The following PCCA variants were observed in gnomAD, a reference collection of about 807,000 sequenced individuals.
PCCA encodes propionyl-CoA carboxylase subunit alpha.
In PCCA, 74 loss-of-function variants were observed where a neutral mutation model predicts 101.3. The observed-to-expected ratio is 0.73, with a 90% CI of 0.61 to 0.89. PCCA has a LOEUF of 0.89. PCCA is among the 40% of genes least tolerant of loss of function. PCCA has a pLI of 0.00. For missense variants in PCCA, 891 were observed against 907.0 expected (o/e 0.98, Z 0.23); for synonymous variants, 294 against 313.6 (o/e 0.94, Z 0.66).
chr13:100,322,033 C>T (rs1428298652), intron 16 of PCCA, among the ~76,000 whole-genome samples: 1 of 152,118 alleles, frequency 6.6e-6, no homozygotes, highest in Non-Finnish European at 1.5e-5. Context: ...GGGTAACCTG[C>T]TGTAACAAAG....
intron 22 of PCCA, among the ~76,000 whole-genome samples, chr13:100,519,838 G>C (rs953326320): frequency 1.3e-5 from 2 of 152,224 alleles, no homozygotes; most frequent in African/African-American, 4.8e-5. Context: ...GCCTGGCATC[G>C]CGCTTGTGTG....
chr13:100,255,257 A>G (rs940950066), intron 8 of PCCA, among the ~76,000 whole-genome samples: 1 of 152,110 alleles, frequency 6.6e-6, no homozygotes, highest in Non-Finnish European at 1.5e-5. Flanking sequence ...ATATTGTCCT[A>G]TTCTCTAATG....
At chr13:100,158,030 G>A (rs1355718489) in intron 6 of PCCA, among the ~76,000 whole-genome samples, 4 of 152,166 alleles carry the variant, frequency 2.6e-5, no homozygotes, top group Non-Finnish European at 4.4e-5. Context: ...GTTCATCCTT[G>A]TGTGAACATC....
intron 19 of PCCA, among the ~76,000 whole-genome samples, chr13:100,413,544 A>G (rs1338364348): frequency 1.3e-5 from 2 of 152,198 alleles, no homozygotes; most frequent in Non-Finnish European, 2.9e-5. Flanking sequence ...ATCTCTAATA[A>G]TCATTTTTGG....
chr13:100,106,396 G>A (rs1467411177), intron 2 of PCCA, among the ~76,000 whole-genome samples: 10 of 152,016 alleles, frequency 6.6e-5, no homozygotes, highest in Admixed American at 6.6e-4. Context: ...GTATGTAACT[G>A]TCTGGGTTTA....
chr13:100,143,630 T>C (rs1260075328), intron 4 of PCCA, among the ~76,000 whole-genome samples: 2 of 152,052 alleles, frequency 1.3e-5, no homozygotes, highest in South Asian at 4.1e-4. Context: ...CTTGAGCTCC[T>C]TCAAAGTACT....
chr13:100,330,527 A>G (rs565413342), intron 16 of PCCA, 34 bp from the exon 17 acceptor site: 3 of 1,271,334 alleles, frequency 2.4e-6, no homozygotes, highest in African/African-American at 2.9e-5. Flanking sequence ...TCACTGATTC[A>G]TTGTTCTTCA....
intron 19 of PCCA, among the ~76,000 whole-genome samples, chr13:100,423,285 T>C (rs2078944860): frequency 6.6e-6 from 1 of 152,192 alleles, no homozygotes; most frequent in Non-Finnish European, 1.5e-5. Context: ...TCTGGCATGG[T>C]AACAAGGATT....
Position 100,268,747 on chromosome 13 carries a change from A to G in PCCA, c.878A>G (p.Gln293Arg), listed in dbSNP as rs879253805. The change falls in exon 11 of 24, where the codon CAG (glutamine) becomes CGG (arginine). Residue 293 changes from glutamine to arginine, a missense_variant. By Grantham distance (43) the Gln-to-Arg change is conservative (BLOSUM62 1). Coordinates refer to ENST00000376285, the MANE Select transcript of PCCA (RefSeq NM_000282.4). ...CTTAATGAAAGAGAGTGCTCAATTC[A>G]GAGAAGAAATCAGAAGGTGGTGGAG... is the stretch of plus-strand genomic sequence containing the variant. ...LWLNERECSI[Q>R]RRNQKVVEEA... The G allele has an allele frequency of 5.0e-6, 8 of 1,614,120 alleles. No individual in the cohort carries two copies. In the South Asian group the frequency reaches 7.7e-5, roughly 16 times the overall value.
intron 19 of PCCA, among the ~76,000 whole-genome samples, chr13:100,419,062 A>T (rs552108849): frequency 6.7e-6 from 1 of 150,158 alleles, no homozygotes; most frequent in Non-Finnish European, 1.5e-5. Context: ...ATTCCCACAC[A>T]CCCATCACTA....
chr13:100,425,428 C>T (rs1389790774), intron 19 of PCCA, among the ~76,000 whole-genome samples: 1 of 152,232 alleles, frequency 6.6e-6, no homozygotes, highest in Non-Finnish European at 1.5e-5. Context: ...CCGGAGGCAG[C>T]TGTTCACAGG....
At chr13:100,317,680 G>A (rs9554675) in intron 16 of PCCA, among the ~76,000 whole-genome samples, 45,396 of 151,724 alleles carry the variant, frequency 0.3, 8,156 homozygotes, top group Middle Eastern at 0.46. Flanking sequence ...TTAACCTCCA[G>A]GGTTCAGCTG....
At chr13:100,103,566 C>A (rs2047472489) in intron 2 of PCCA, among the ~76,000 whole-genome samples, 1 of 150,556 alleles carries the variant, frequency 6.6e-6, no homozygotes, top group Admixed American at 6.6e-5. Flanking sequence ...CCTGCCTCAG[C>A]CTCCCAAAGT....
At chr13:100,209,998 A>G (rs768855349) in intron 7 of PCCA, among the ~76,000 whole-genome samples, 5 of 152,172 alleles carry the variant, frequency 3.3e-5, no homozygotes, top group South Asian at 4.2e-4. Flanking sequence ...TCTGTTGCCC[A>G]GGCTGGAGTG....
At chr13:100,510,288 A>G (rs1028959759) in intron 21 of PCCA, among the ~76,000 whole-genome samples, 2 of 152,170 alleles carry the variant, frequency 1.3e-5, no homozygotes, top group African/African-American at 4.8e-5. Flanking sequence ...CTGTGGCTAC[A>G]TTTCTATCTC....
At chr13:100,300,298 C>G (rs922497455) in intron 12 of PCCA, among the ~76,000 whole-genome samples, 18 of 152,154 alleles carry the variant, frequency 1.2e-4, no homozygotes, top group African/African-American at 3.9e-4. Context: ...TAAGCAAACT[C>G]AACACGCACA....
intron 22 of PCCA, among the ~76,000 whole-genome samples, chr13:100,520,435 CAGG>C (rs1445822300): frequency 2.0e-5 from 3 of 151,956 alleles, no homozygotes; most frequent in Admixed American, 6.6e-5. Flanking sequence ...ATCACGAGGT[CAGG>C]AGATCGAGAC....
intron 2 of PCCA, among the ~76,000 whole-genome samples, chr13:100,109,274 G>A (rs2048093765): frequency 6.6e-6 from 1 of 152,192 alleles, no homozygotes; most frequent in Admixed American, 6.5e-5. Flanking sequence ...TGAGAGGCAA[G>A]AAGGGTGACT....
intron 6 of PCCA, among the ~76,000 whole-genome samples, chr13:100,186,852 A>G (rs529681045): frequency 2.2e-4 from 34 of 152,312 alleles, no homozygotes; most frequent in African/African-American, 5.8e-4. Context: ...TAATAATACT[A>G]GATTTATATT....
Sources: allele counts gnomAD v4.1 joint callset (sites outside exome capture counted in the v4.1 genomes callset), GRCh38; gene constraint gnomAD v4.1.1; transcripts MANE v1.5; gene names NCBI Gene and HGNC (gene_info 2026-07-23, HGNC 2026-07-21).